GNAT3: variants seen among roughly 807,000 people sequenced by gnomAD.
GNAT3 encodes G protein subunit alpha transducin 3.
Under a neutral mutation model 37.7 loss-of-function variants are expected in GNAT3, and 31 were observed. That is an observed-to-expected ratio of 0.82 (90% CI 0.62 to 1.11). The LOEUF is 1.11. Among genes scored for constraint, GNAT3 ranks in the 50% most tolerant of loss-of-function variants. GNAT3 has a pLI of 0.00. For synonymous variants in GNAT3, 138 were observed against 139.8 expected (o/e 0.99, Z 0.09); for missense variants, 437 against 412.5 (o/e 1.06, Z -0.51).
chr7:80,504,605 A>G (rs1189207772), intron 1 of GNAT3, among the ~76,000 whole-genome samples: 1 of 152,234 alleles, frequency 6.6e-6, no homozygotes, highest in East Asian at 1.9e-4. Context: ...TTTGCCATGA[A>G]GAAAAAGCCA....
At chr7:80,459,129 T>C (rs148687119) in intron 7 of GNAT3, among the ~76,000 whole-genome samples, 26 of 152,172 alleles carry the variant, frequency 1.7e-4, no homozygotes, top group Non-Finnish European at 2.2e-4. Flanking sequence ...GATACAAACT[T>C]ACGTATACAT....
chr7:80,494,386 G>T lies in GNAT3; in HGVS notation c.161+219C>A, dbSNP rs137928259. On this transcript the variant is annotated intron_variant, in intron 2 of 7. Transcript: ENST00000398291. ...TAATGCTTTAAGCATTTGTCTTATT[G>T]AGAGGCACATTTTAAAAAATGGAAA... 6.6e-3 allele frequency among the ~76,000 whole-genome samples: 1,010 copies of T among 152,182 alleles called. 8 individuals are homozygous for T. Among genetic ancestry groups the T allele is most frequent in the African/African-American group, 0.023 (945 of 41,526 alleles).
chr7:80,470,184 C>T lies in GNAT3; in HGVS notation c.590+4067G>A, dbSNP rs117050578. ...GCTTGATACCTGTTTTAGTATATAG[C>T]GAAGAGGTGGTAGTTGCACAGTAAA... On this transcript the variant is annotated intron_variant, in intron 5 of 7. Coordinates refer to ENST00000398291, the MANE Select transcript of GNAT3 (RefSeq NM_001102386.3). 3.5e-4 allele frequency among the ~76,000 whole-genome samples: 53 copies of T among 151,394 alleles called. No homozygotes were observed. In the East Asian group the frequency reaches 5.6e-3, roughly 16 times the overall value.
chr7:80,496,717 A>G (rs1790723680), intron 1 of GNAT3, among the ~76,000 whole-genome samples: 1 of 152,228 alleles, frequency 6.6e-6, no homozygotes, highest in South Asian at 2.1e-4. Context: ...CATACTTCAG[A>G]AATGAGATTT....
intron 4 of GNAT3, among the ~76,000 whole-genome samples, 171 bp downstream of exon 4, chr7:80,478,667 CATT>C: frequency 6.6e-6 from 1 of 152,276 alleles, no homozygotes; most frequent in East Asian, 1.9e-4. Context: ...TCTTAAATCT[CATT>C]ATGTCACCTT....
At chr7:80,477,378 C>T (rs1373927652) in intron 4 of GNAT3, among the ~76,000 whole-genome samples, 2 of 152,130 alleles carry the variant, frequency 1.3e-5, no homozygotes, top group Non-Finnish European at 2.9e-5. Context: ...TTTTACTCCA[C>T]TGCAGAGATC....
intron 2 of GNAT3, among the ~76,000 whole-genome samples, chr7:80,490,206 A>G (rs190340221): frequency 2.0e-5 from 3 of 152,290 alleles, no homozygotes; most frequent in East Asian, 3.9e-4. Flanking sequence ...TGTATAATAC[A>G]TTAGTCACTA....
chr7:80,497,049 G>A (rs1461141611), intron 1 of GNAT3, among the ~76,000 whole-genome samples: 1 of 152,254 alleles, frequency 6.6e-6, no homozygotes, highest in South Asian at 2.1e-4. Flanking sequence ...ATGATTTTAT[G>A]CTAGTTGGCT....
chr7:80,483,007 C>T (rs1790417217), intron 3 of GNAT3, among the ~76,000 whole-genome samples: 1 of 152,024 alleles, frequency 6.6e-6, no homozygotes, highest in Non-Finnish European at 1.5e-5. Flanking sequence ...TGTCTCCAGA[C>T]CTTTTACTTT....
intron 3 of GNAT3, among the ~76,000 whole-genome samples, chr7:80,484,192 G>T (rs1790438720): frequency 6.6e-6 from 1 of 151,944 alleles, no homozygotes; most frequent in South Asian, 2.1e-4. Context: ...GGGATCCCAG[G>T]TGGTCTTAGA....
chr7:80,493,702 CTTTGTTCCTCCTCCTT>C lies in GNAT3; in HGVS notation c.161+887_161+902del, dbSNP rs1422036035. Among the ~76,000 whole-genome samples the C allele has an allele frequency of 7.4e-3, 834 of 112,692 alleles. 16 individuals carry two copies. The highest frequency in any genetic ancestry group is 0.019 in the African/African-American group (457 of 24,312). The allele number at this position is 112,692 out of a possible 152,430, so 73.9% of individuals were successfully genotyped here. On this transcript the variant is annotated intron_variant, in intron 2 of 7. Coordinates refer to ENST00000398291, the MANE Select transcript of GNAT3 (RefSeq NM_001102386.3). ...CCTCCTCCTCTTTCCTCCTCCTCCT[CTTTGTTCCTCCTCCTT>C]CTCTTTCCTCCTCCTCCTCCTCTTT...
chr7:80,511,739 T>G (rs962937442), intron 1 of GNAT3, 70 bp downstream of exon 1: 5 of 882,694 alleles, frequency 5.7e-6, no homozygotes, highest in African/African-American at 5.0e-5. Context: ...AATTAAAGTC[T>G]GAGAAAAGTA....
At chr7:80,461,660 G>A (rs980973498) in intron 7 of GNAT3, among the ~76,000 whole-genome samples, 11 of 151,810 alleles carry the variant, frequency 7.2e-5, no homozygotes, top group Non-Finnish European at 7.4e-5. Context: ...ACTTACAATC[G>A]CTGACTAACA....
At chr7:80,460,442 A>G (rs1790030147) in intron 7 of GNAT3, among the ~76,000 whole-genome samples, 1 of 152,170 alleles carries the variant, frequency 6.6e-6, no homozygotes, top group Non-Finnish European at 1.5e-5. Flanking sequence ...TGCAACATAA[A>G]GAGTGAACCC....
chr7:80,485,812 A>C (rs1562726909), intron 3 of GNAT3, among the ~76,000 whole-genome samples: 1 of 152,146 alleles, frequency 6.6e-6, no homozygotes, highest in African/African-American at 2.4e-5. Flanking sequence ...TATATAGTGG[A>C]TTTCTTATGT....
chr7:80,482,051 G>A (rs1417390247), intron 3 of GNAT3, among the ~76,000 whole-genome samples: 2 of 152,070 alleles, frequency 1.3e-5, no homozygotes, highest in Non-Finnish European at 2.9e-5. Flanking sequence ...TAACTACCTT[G>A]GGCATATGTT....
At chr7:80,486,767 A>T (rs935938731) in intron 3 of GNAT3, among the ~76,000 whole-genome samples, 4 of 150,558 alleles carry the variant, frequency 2.7e-5, no homozygotes, top group African/African-American at 9.8e-5. Flanking sequence ...GAGACACCAT[A>T]TCTGGTCAAA....
In GNAT3 at chr7:80,471,015, G is replaced by A. The variant is rs147797105; in HGVS notation, c.590+3236C>T. On this transcript the variant is annotated intron_variant, in intron 5 of 7. Coordinates refer to ENST00000398291, the MANE Select transcript of GNAT3 (RefSeq NM_001102386.3). ...TAATCTGGGTGGGCACAAGCTAATC[G>A]GCTGCCAGCACAGCTAGAATATAAG... Among the ~76,000 whole-genome samples, 102 of 150,276 alleles carry A rather than the reference G, an allele frequency of 6.8e-4. No individual in the cohort carries two copies. The East Asian group carries it at 0.018, about 26-fold the overall frequency.
chr7:80,486,929 T>G (rs181298390), intron 3 of GNAT3, among the ~76,000 whole-genome samples: 2 of 152,180 alleles, frequency 1.3e-5, no homozygotes, highest in African/African-American at 4.8e-5. Context: ...ATCTACAAAT[T>G]TAAACATCAT....
Sources: allele counts gnomAD v4.1 joint callset (sites outside exome capture counted in the v4.1 genomes callset), GRCh38; gene constraint gnomAD v4.1.1; transcripts MANE v1.5; gene names NCBI Gene and HGNC (gene_info 2026-07-23, HGNC 2026-07-21).